Variants in GART observed in about 807,000 individuals in gnomAD.
The protein encoded by GART is phosphoribosylglycinamide formyltransferase, phosphoribosylglycinamide synthetase, phosphoribosylaminoimidazole synthetase.
GART carries 43 observed loss-of-function variants against 107.2 expected under a neutral mutation model. That is an observed-to-expected ratio of 0.40 (90% CI 0.31 to 0.52). The LOEUF is 0.52. Ranked by LOEUF, GART falls within the 20% of genes least tolerant of loss-of-function variation. GART has a pLI of 0.52. For missense variants in GART, 1,107 were observed against 1,206.5 expected, an observed-to-expected ratio of 0.92 and a Z score of 1.22; for synonymous variants, 434 against 427.0, an observed-to-expected ratio of 1.02 and a Z score of -0.20.
In GART at chr21:33,534,590, G is replaced by C; in HGVS notation, c.405C>G (p.Ser135Arg). The change falls in exon 4 of 22, where the codon AGC becomes AGG. Residue 135 changes from serine (S) to arginine (R), a missense_variant. Transcript: ENST00000381815. ...KAFTKPEEAC[S>R]FILSADFPAL... ...AACCATTTACCTACCTCAAAATGAA[G>C]CTGCAGGCTTCTTCAGGTTTGGTGA... 1.2e-6 allele frequency: 2 copies of C among 1,614,116 alleles called. No homozygotes were observed. The highest frequency in any genetic ancestry group is 1.7e-6 in the Non-Finnish European group (2 of 1,179,994).
chr21:33,524,129 T>A (rs1478658035), intron 11 of GART: 6 of 985,276 alleles, frequency 6.1e-6, no homozygotes, highest in Non-Finnish European at 7.2e-6. Context: ...AAAATGAGAC[T>A]GTCAAACTTT....
chr21:33,532,154 T>C (rs1569031695), intron 5 of GART, 191 bp downstream of exon 5: 5 of 551,350 alleles, frequency 9.1e-6, no homozygotes, highest in Non-Finnish European at 1.3e-5. Context: ...AATACAATCA[T>C]GGTTTAATTT....
At chr21:33,523,784 T>C (rs1042946250) in intron 11 of GART, among the ~76,000 whole-genome samples, 9 of 151,798 alleles carry the variant, frequency 5.9e-5, no homozygotes, top group African/African-American at 1.5e-4. Context: ...CCGGCCAACA[T>C]GGTGAAACCC....
chr21:33,515,652 C>CAAAAAAAAAAAAAAAAAAAAACA, intron 16 of GART, among the ~76,000 whole-genome samples: 1 of 35,878 alleles, frequency 2.8e-5, no homozygotes, highest in Non-Finnish European at 4.8e-5. Context: ...GACTCCAACT[C>CAAAAAAAAAAAAAAAAAAAAACA]AAAAAAAAAA....
At chr21:33,538,565 C>A (rs2085347427) in intron 2 of GART, among the ~76,000 whole-genome samples, 2 of 152,056 alleles carry the variant, frequency 1.3e-5, no homozygotes, top group Non-Finnish European at 2.9e-5. Flanking sequence ...ACTAAACTTT[C>A]CATTTACAAA....
chr21:33,512,344 C>G lies in GART; in HGVS notation c.2108-886G>C, dbSNP rs186542529. On this transcript the variant is annotated intron_variant, in intron 16 of 21. Transcript: ENST00000381815. Reference sequence around the variant, plus strand: ...TTCTCTCTTATCACAAATAATACAACAAAAATCTCTAATAAAAATTTTTAG... The same window carrying G: ...TTCTCTCTTATCACAAATAATACAAGAAAAATCTCTAATAAAAATTTTTAG... Among the ~76,000 whole-genome samples the G allele has an allele frequency of 4.4e-4, 45 of 102,734 alleles. No individual in the cohort carries two copies. In the East Asian group the frequency reaches 0.012, roughly 27 times the overall value. 67.4% of individuals were successfully genotyped at this position (102,734 alleles called of 152,430 possible).
intron 12 of GART, among the ~76,000 whole-genome samples, chr21:33,521,951 C>CAAAA (rs1252653074): frequency 1.2e-5 from 1 of 82,808 alleles, no homozygotes; most frequent in Admixed American, 1.2e-4. Flanking sequence ...ACTCTTGTCT[C>CAAAA]AAAAAAAAAA....
At chr21:33,515,652 C>CAAAAAAAAAAAAAAAAAAAAAAAAAAA (rs71194850) in intron 16 of GART, among the ~76,000 whole-genome samples, 4 of 35,846 alleles carry the variant, frequency 1.1e-4, no homozygotes, top group Admixed American at 3.6e-4. Context: ...GACTCCAACT[C>CAAAAAAAAAAAAAAAAAAAAAAAAAAA]AAAAAAAAAA....
At chr21:33,512,976 C>T (rs902468236) in intron 16 of GART, among the ~76,000 whole-genome samples, 4 of 151,052 alleles carry the variant, frequency 2.6e-5, no homozygotes, top group East Asian at 3.9e-4. Context: ...AGTGCAATGG[C>T]GTGATCTCGA....
chr21:33,528,144 A>G (rs775018419), intron 10 of GART, 23 bp downstream of exon 10: 2 of 1,610,778 alleles, frequency 1.2e-6, no homozygotes, highest in South Asian at 2.2e-5. Context: ...TTGTACTCCA[A>G]CCTCTTGCTC....
chr21:33,504,477 T>C lies in GART; in HGVS notation c.2776A>G (p.Asn926Asp), dbSNP rs2145666306. The change falls in exon 21 of 22, where the codon AAT (asparagine) becomes GAT (aspartate). Residue 926 changes from asparagine (N) to aspartate (D), a missense_variant. Asn to Asp is a conservative substitution (Grantham distance 23). Coordinates refer to ENST00000381815, the MANE Select transcript of GART (RefSeq NM_000819.5). ...GTTTCCAGGGCTTGCTCATGGGCATTTGAACCCTTAAAAGAAGGGAGCAAG... is the reference window on the plus strand; with the variant it reads ...GTTTCCAGGGCTTGCTCATGGGCATCTGAACCCTTAAAAGAAGGGAGCAAG... ...PSLLPSFKGS[N>D]AHEQALETGV... 1 of 1,614,156 alleles carries C rather than the reference T, an allele frequency of 6.2e-7. No homozygotes were observed. Among genetic ancestry groups the C allele is most frequent in the African/African-American group, 1.3e-5 (1 of 75,026 alleles).
intron 7 of GART, 101 bp downstream of exon 7, chr21:33,530,658 A>T: frequency 8.5e-7 from 1 of 1,182,370 alleles, no homozygotes. Context: ...AATTCATAGC[A>T]ACAAACAAAC....
chr21:33,531,468 CA>C lies in GART; in HGVS notation c.597+20del, dbSNP rs769105285. 1.2e-6 allele frequency: 2 copies of C among 1,607,030 alleles called. No homozygotes were observed. Among genetic ancestry groups the C allele is most frequent in the South Asian group, 1.1e-5 (1 of 89,882 alleles). ...ACAGCTTCTTATACACTACAAAAGCCAAAAAGATGAATATACATACCGACAC... is the reference window on the plus strand; with the variant it reads ...ACAGCTTCTTATACACTACAAAAGCCAAAAGATGAATATACATACCGACAC... On this transcript the variant is annotated intron_variant, in intron 6 of 21. Coordinates refer to ENST00000381815, the MANE Select transcript of GART (RefSeq NM_000819.5).
At chr21:33,526,867 G>A (rs2085083757) in intron 10 of GART, among the ~76,000 whole-genome samples, 1 of 152,014 alleles carries the variant, frequency 6.6e-6, no homozygotes, top group Admixed American at 6.6e-5. Flanking sequence ...TTCATCTCCT[G>A]GTGGTCTTCT....
chr21:33,510,167 G>C, intron 17 of GART: 2 of 405,176 alleles, frequency 4.9e-6, no homozygotes, highest in South Asian at 6.3e-5. Flanking sequence ...TGAAGTGCAC[G>C]GTGGATATAT....
intron 13 of GART, 144 bp from the exon 14 acceptor site, chr21:33,520,706 T>A: frequency 1.4e-6 from 1 of 735,588 alleles, no homozygotes; most frequent in South Asian, 1.9e-5. Flanking sequence ...TCCCCTTTTA[T>A]CCTCTAAAGT....
At chr21:33,538,178 A>G (rs1400685897) in intron 2 of GART, among the ~76,000 whole-genome samples, 1 of 132,664 alleles carries the variant, frequency 7.5e-6, no homozygotes, top group African/African-American at 2.8e-5. Context: ...CAGGAGCCAG[A>G]GGTTGCAGTG....
chr21:33,517,441 A>G lies in GART; in HGVS notation c.1870T>C (p.Phe624Leu), dbSNP rs1436383076. The change falls in exon 15 of 22, where the codon TTT becomes CTT. Residue 624 changes from phenylalanine (F) to leucine (L), a missense_variant. Coordinates refer to ENST00000381815, the MANE Select transcript of GART (RefSeq NM_000819.5). ...IASSGLHSNG[F>L]SLVRKIVAKS... ...GCCACGATTTTCCTCACAAGGCTAA[A>G]TCCATTGCTATGAAGACCAGATGAA... The G allele has an allele frequency of 6.2e-7, 1 of 1,614,062 alleles. No homozygotes were observed. Among genetic ancestry groups the G allele is most frequent in the Non-Finnish European group, 8.5e-7 (1 of 1,180,048 alleles).
At chr21:33,530,353 C>T (rs1452188578) in intron 7 of GART, among the ~76,000 whole-genome samples, 1 of 152,162 alleles carries the variant, frequency 6.6e-6, no homozygotes, top group Non-Finnish European at 1.5e-5. Flanking sequence ...ATTCATATCA[C>T]ACGCACACTA....
Sources: allele counts gnomAD v4.1 joint callset (sites outside exome capture counted in the v4.1 genomes callset), GRCh38; gene constraint gnomAD v4.1.1; transcripts MANE v1.5; gene names NCBI Gene and HGNC (gene_info 2026-07-23, HGNC 2026-07-21).